ITGA9: variants seen among roughly 807,000 people sequenced by gnomAD.
ITGA9 encodes the protein integrin alpha-9.
In ITGA9, 56 loss-of-function variants were observed where a neutral mutation model predicts 127.8. The ratio of observed to expected loss-of-function variants is 0.44; its 90% confidence interval spans 0.35 to 0.55. The LOEUF (loss-of-function observed/expected upper bound fraction) is 0.55, where lower values mean the gene tolerates loss of function less well. Among genes scored for constraint, ITGA9 ranks in the 20% least tolerant of loss-of-function variants. ITGA9 has a pLI of 0.00. For synonymous variants in ITGA9, 508 were observed against 514.5 expected (o/e 0.99, Z 0.17); for missense variants, 1,196 against 1,347.1 (o/e 0.89, Z 1.76).
At chr3:37,650,915 T>A (rs1700423565) in intron 16 of ITGA9, among the ~76,000 whole-genome samples, 1 of 152,068 alleles carries the variant, frequency 6.6e-6, no homozygotes, top group Non-Finnish European at 1.5e-5. Context: ...CAGTGACGAG[T>A]GCTATTATTT....
At chr3:37,669,086 A>G (rs1323344640) in intron 17 of ITGA9, among the ~76,000 whole-genome samples, 1 of 152,188 alleles carries the variant, frequency 6.6e-6, no homozygotes, top group East Asian at 1.9e-4. Context: ...GAACCTCTAG[A>G]TTTTATGAGC....
At chr3:37,544,511 A>G (rs1234462708) in intron 15 of ITGA9, among the ~76,000 whole-genome samples, 1 of 152,216 alleles carries the variant, frequency 6.6e-6, no homozygotes, top group Non-Finnish European at 1.5e-5. Flanking sequence ...CTGTTGGCAG[A>G]TTCAACTCTG....
intron 18 of ITGA9, among the ~76,000 whole-genome samples, chr3:37,686,246 G>A (rs58945185): frequency 0.013 from 1,953 of 152,174 alleles, 47 homozygotes; most frequent in African/African-American, 0.045. Context: ...GAAGAGGGGC[G>A]AGGGAGCAGG....
At chr3:37,520,831 T>G (rs979488612) in intron 11 of ITGA9, among the ~76,000 whole-genome samples, 1 of 152,102 alleles carries the variant, frequency 6.6e-6, no homozygotes, top group Non-Finnish European at 1.5e-5. Context: ...CGGGCAGCGG[T>G]CAGGGTCATT....
intron 23 of ITGA9, among the ~76,000 whole-genome samples, chr3:37,765,754 CAG>C: frequency 6.6e-6 from 1 of 152,198 alleles, no homozygotes. Context: ...GCTGTCCGTA[CAG>C]AGTGTGGTTC....
intron 15 of ITGA9, among the ~76,000 whole-genome samples, chr3:37,563,884 GT>G (rs1417683326): frequency 6.6e-6 from 1 of 152,188 alleles, no homozygotes; most frequent in African/African-American, 2.4e-5. Context: ...TTATGGGACA[GT>G]CCTTCCTTGA....
intron 16 of ITGA9, among the ~76,000 whole-genome samples, chr3:37,640,842 G>A (rs1700326130): frequency 6.6e-6 from 1 of 152,212 alleles, no homozygotes; most frequent in African/African-American, 2.4e-5. Context: ...GCCATCGGCT[G>A]CTCTGCCTGC....
At chr3:37,616,599 G>A (rs1218330478) in intron 15 of ITGA9, among the ~76,000 whole-genome samples, 16 of 151,354 alleles carry the variant, frequency 1.1e-4, no homozygotes, top group Non-Finnish European at 8.8e-5. Context: ...GTGGGAGTCT[G>A]AGTCTCTTTG....
In ITGA9 at chr3:37,513,792, C is replaced by T. The variant is rs774729146; in HGVS notation, c.927C>T (p.Cys309=). 33 of 1,613,936 alleles carry T rather than the reference C, an allele frequency of 2.0e-5. No homozygotes were observed. The highest frequency in any genetic ancestry group is 3.3e-5 in the South Asian group (3 of 91,078). Residue 309 remains cysteine, a synonymous_variant, in exon 9 of 28, where the codon TGC becomes TGT. Coordinates refer to ENST00000264741, the MANE Select transcript of ITGA9 (RefSeq NM_002207.3). ...KMGSYFGSSL[C]AVDLNGDGLS... ...GCTCTTACTTCGGCTCCTCCTTGTG[C>T]GCAGTTGACCTGAATGGGGACGGCC...
chr3:37,520,480 G>A (rs564600061), intron 11 of ITGA9, among the ~76,000 whole-genome samples: 1 of 151,698 alleles, frequency 6.6e-6, no homozygotes, highest in South Asian at 2.1e-4. Flanking sequence ...ATCTTTGCCA[G>A]TCTGCTGCCT....
chr3:37,745,915 C>T (rs73825410), intron 22 of ITGA9: 43 of 152,330 alleles, frequency 2.8e-4, no homozygotes, highest in African/African-American at 1.0e-3. Flanking sequence ...GATCCATTGC[C>T]TCAGGAAGTG....
chr3:37,462,495 G>A (rs775960106), intron 1 of ITGA9, among the ~76,000 whole-genome samples: 19 of 152,162 alleles, frequency 1.2e-4, no homozygotes, highest in Non-Finnish European at 2.5e-4. Flanking sequence ...TACCACTCCC[G>A]AAGCACAGAG....
At chr3:37,489,592 A>C (rs1050365609) in intron 4 of ITGA9, among the ~76,000 whole-genome samples, 7 of 151,746 alleles carry the variant, frequency 4.6e-5, no homozygotes, top group African/African-American at 1.7e-4. Context: ...TCTTTAACCT[A>C]GCTGTTTAAT....
intron 16 of ITGA9, among the ~76,000 whole-genome samples, chr3:37,640,669 T>A (rs1700323474): frequency 6.6e-6 from 1 of 152,094 alleles, no homozygotes. Flanking sequence ...ACTGCAGCAA[T>A]AGAAAATAAT....
At position 37,802,790 on chromosome 3, in the gene ITGA9, C is replaced by G. The variant is rs552593738; in HGVS notation, c.2890-1033C>G. Among the ~76,000 whole-genome samples, 17 of 152,288 alleles carry G rather than the reference C, an allele frequency of 1.1e-4. 2 individuals are homozygous for G. In the South Asian group the frequency reaches 3.3e-3, roughly 30 times the overall value. Reference sequence around the variant, plus strand: ...GTTTGCCAAATACTCCCACCATAGCCCATTTCAAACTGCCATTGCAATGTC... The same window carrying G: ...GTTTGCCAAATACTCCCACCATAGCGCATTTCAAACTGCCATTGCAATGTC... On this transcript the variant is annotated intron_variant, in intron 26 of 27. Coordinates refer to ENST00000264741, the MANE Select transcript of ITGA9 (RefSeq NM_002207.3).
At chr3:37,588,537 C>T (rs1699782285) in intron 15 of ITGA9, among the ~76,000 whole-genome samples, 1 of 152,192 alleles carries the variant, frequency 6.6e-6, no homozygotes, top group South Asian at 2.1e-4. Context: ...GGACTTAGGG[C>T]TGTTGGGGCA....
In ITGA9 at chr3:37,766,556, A is replaced by G. The variant is rs575456426; in HGVS notation, c.2542-10836A>G. Among the ~76,000 whole-genome samples the G allele has an allele frequency of 2.6e-5, 4 of 152,240 alleles. No homozygotes were observed. In the South Asian group the frequency reaches 6.2e-4, roughly 24 times the overall value. On this transcript the variant is annotated intron_variant, in intron 23 of 27. Transcript: ENST00000264741. The stretch of plus-strand genomic sequence containing the variant: ...AGGGAACTAATAAAGCAATATATGC[A>G]GGAAATGCAGAGACAACCCAGTGAA...
intron 23 of ITGA9, among the ~76,000 whole-genome samples, chr3:37,769,246 G>A (rs1382523554): frequency 6.6e-6 from 1 of 151,510 alleles, no homozygotes; most frequent in Non-Finnish European, 1.5e-5. Flanking sequence ...GCTGAGGCAG[G>A]AGAATCGCTT....
chr3:37,641,038 A>G (rs1420925756), intron 16 of ITGA9, among the ~76,000 whole-genome samples: 1 of 152,044 alleles, frequency 6.6e-6, no homozygotes, highest in Non-Finnish European at 1.5e-5. Context: ...GCCTTTCCAC[A>G]TCCTTTCCTC....
Sources: allele counts gnomAD v4.1 joint callset (sites outside exome capture counted in the v4.1 genomes callset), GRCh38; gene constraint gnomAD v4.1.1; transcripts MANE v1.5; gene names NCBI Gene and HGNC (gene_info 2026-07-23, HGNC 2026-07-21).